The following PDLIM7 variants were observed in gnomAD, a reference collection of about 807,000 sequenced individuals.
PDLIM7 encodes PDZ and LIM domain 7.
PDLIM7 carries 37 observed loss-of-function variants against 53.9 expected under a neutral mutation model. The observed-to-expected ratio is 0.69, with a 90% confidence interval of 0.53 to 0.90. PDLIM7 has a LOEUF of 0.90. PDLIM7 is among the 40% of genes least tolerant of loss of function. PDLIM7 has a pLI of 0.00. For synonymous variants in PDLIM7, 300 were observed against 261.3 expected (o/e 1.15, Z -1.43); for missense variants, 617 against 638.5 (o/e 0.97, Z 0.36).
chr5:177,488,199 C>T lies in PDLIM7; in HGVS notation c.919G>A (p.Val307Met). The change falls in exon 10 of 13, where the codon GTG becomes ATG. Residue 307 changes from valine (V) to methionine (M), a missense_variant. Physicochemically the swap from Val to Met is conservative, Grantham distance 21. Coordinates refer to ENST00000355841, the MANE Select transcript of PDLIM7 (RefSeq NM_005451.5). ...LGHAYHPEEF[V>M]CSQCGKVLEE... is the part of the protein sequence containing the mutation. ...AGGACCTTCCCACACTGGCTACACA[C>T]AAACTCCTCCGGGTGGTACGCGTGG... 1 of 1,613,092 alleles carries T rather than the reference C, an allele frequency of 6.2e-7. No individual in the cohort carries two copies. Among genetic ancestry groups the T allele is most frequent in the Non-Finnish European group, 8.5e-7 (1 of 1,179,828 alleles).
Position 177,496,650 on chromosome 5 carries a change from A to G in PDLIM7, c.-11-127T>C, listed in dbSNP as rs562579343. 2.3e-5 allele frequency: 12 copies of G among 523,614 alleles called. No individual in the cohort carries two copies. In the South Asian group the frequency reaches 3.5e-4, roughly 15 times the overall value. The allele number at this position is 523,614 out of a possible 1,614,324, so 32.4% of individuals were successfully genotyped here. A position where few individuals can be genotyped will look rare whatever the true frequency, so the allele number is the denominator to read the frequency against. On this transcript the variant is annotated intron_variant, in intron 1 of 12. Transcript: ENST00000355841. ...CACGGGCAGCCCCTGAGCACGCCCA[A>G]GCCATAGGAGGCAGGTATTTTGTCA...
intron 10 of PDLIM7, among the ~76,000 whole-genome samples, chr5:177,487,301 A>G (rs756882009): frequency 6.6e-6 from 1 of 152,182 alleles, no homozygotes; most frequent in Non-Finnish European, 1.5e-5. Context: ...AATAAAGACT[A>G]TATTTCCCAG....
rs1758804373 is a variant in PDLIM7 at position 177,491,823 on chromosome 5, C to A, written c.382G>T (p.Ala128Ser). 3.1e-6 allele frequency: 4 copies of A among 1,279,678 alleles called. No homozygotes were observed. Among genetic ancestry groups the A allele is most frequent in the African/African-American group, 3.1e-5 (2 of 64,352 alleles). The allele number at this position is 1,279,678 out of a possible 1,614,324, so 79.3% of individuals were successfully genotyped here. Residue 128 changes from alanine (A) to serine (S), a missense_variant, in exon 5 of 13, where the codon GCC becomes TCC. Physicochemically the swap from Ala to Ser is moderately conservative, Grantham distance 99 (BLOSUM62 1). Coordinates refer to ENST00000355841, the MANE Select transcript of PDLIM7 (RefSeq NM_005451.5). ...PFGAPPPADS[A>S]PQQNGQPLRP... Reference sequence around the variant, plus strand: ...CCGACGTACCCATTCTGCTGCGGGGCGCTGTCAGCGGGCGGGGGCGCCCCA... The same window carrying A: ...CCGACGTACCCATTCTGCTGCGGGGAGCTGTCAGCGGGCGGGGGCGCCCCA...
At chr5:177,495,648 C>T (rs1016092448) in intron 2 of PDLIM7, among the ~76,000 whole-genome samples, 1 of 152,202 alleles carries the variant, frequency 6.6e-6, no homozygotes, top group African/African-American at 2.4e-5. Context: ...CTCTGCAGAC[C>T]GCAGCCACTG....
rs143356765 is a variant in PDLIM7 at position 177,488,120 on chromosome 5, T to C, written c.998A>G (p.Tyr333Cys). 259 of 1,612,926 alleles carry C rather than the reference T, an allele frequency of 1.6e-4. No homozygotes were observed. Among genetic ancestry groups the C allele is most frequent in the Non-Finnish European group, 2.1e-4 (246 of 1,179,860 alleles). Residue 333 changes from tyrosine to cysteine, a missense_variant, in exon 10 of 13, where the codon TAT becomes TGT. Coordinates refer to ENST00000355841, the MANE Select transcript of PDLIM7 (RefSeq NM_005451.5). Reference protein sequence around the residue: ...EKGAIFCPPCYDVRYAPSCAK... With the variant: ...EKGAIFCPPCCDVRYAPSCAK... ...ACAGCTGGGTGCATAGCGCACGTCA[T>C]AGCATGGTGGGCAGAAGATGGCGCC...
chr5:177,489,313 G>A, intron 9 of PDLIM7, 80 bp downstream of exon 9: 3 of 1,105,854 alleles, frequency 2.7e-6, no homozygotes, highest in East Asian at 2.6e-5. Flanking sequence ...AGTCGCAGCT[G>A]AGGCAAGACA....
At chr5:177,485,183 G>A (rs775820616) in intron 10 of PDLIM7, among the ~76,000 whole-genome samples, 1 of 152,220 alleles carries the variant, frequency 6.6e-6, no homozygotes, top group Non-Finnish European at 1.5e-5. Context: ...CAGCCAAAAT[G>A]TAAGGCCCAG....
In PDLIM7 at chr5:177,489,557, G is replaced by A. The variant is rs1176602536; in HGVS notation, c.705C>T (p.Ala235=). 1.2e-6 allele frequency: 2 copies of A among 1,610,976 alleles called. No individual in the cohort carries two copies. The highest frequency in any genetic ancestry group is 3.3e-5 in the Admixed American group (2 of 59,780). The part of the protein sequence containing the change: ...AVDPAFAERY[A]PDKTSTVLTR... ...TCAGCACTGTGCTCGTTTTGTCCGGGGCATAGCGCTCGGCAAACGCAGGGT... is the reference window on the plus strand; with the variant it reads ...TCAGCACTGTGCTCGTTTTGTCCGGAGCATAGCGCTCGGCAAACGCAGGGT... Residue 235 remains alanine, a synonymous_variant, in exon 9 of 13, where the codon GCC becomes GCT. Coordinates refer to ENST00000355841, the MANE Select transcript of PDLIM7 (RefSeq NM_005451.5).
Position 177,496,989 on chromosome 5 carries a change from A to T in PDLIM7, c.-11-466T>A, listed in dbSNP as rs866156477. On this transcript the variant is annotated intron_variant, in intron 1 of 12. Coordinates refer to ENST00000355841, the MANE Select transcript of PDLIM7 (RefSeq NM_005451.5). ...TGCGGAGAGCCAGCGGAGGGAGCAC[A>T]CGGGGGCTTGGGACGCGAGGGGGGG... 5 of 94,214 alleles carry T rather than the reference A, an allele frequency of 5.3e-5. No homozygotes were observed. The Admixed American group carries it at 5.4e-4, about 10-fold the overall frequency. The allele number at this position is 94,214 out of a possible 1,614,324, so 5.8% of individuals were successfully genotyped here. A position where few individuals can be genotyped will look rare whatever the true frequency, so the allele number is the denominator to read the frequency against.
intron 10 of PDLIM7, among the ~76,000 whole-genome samples, chr5:177,487,139 G>T (rs1385781692): frequency 6.6e-6 from 1 of 151,352 alleles, no homozygotes; most frequent in Non-Finnish European, 1.5e-5. Flanking sequence ...CACCATATTG[G>T]CCAGGCTGGT....
chr5:177,486,153 A>G (rs1315938499), intron 10 of PDLIM7, among the ~76,000 whole-genome samples: 1 of 151,916 alleles, frequency 6.6e-6, no homozygotes, highest in Non-Finnish European at 1.5e-5. Context: ...TCCTGGGCTC[A>G]AGCAATCCTC....
chr5:177,487,316 CGT>C (rs1758516204), intron 10 of PDLIM7, among the ~76,000 whole-genome samples: 1 of 152,234 alleles, frequency 6.6e-6, no homozygotes. Flanking sequence ...TCCCAGCCTC[CGT>C]TGCCACTGGG....
rs779639364 is a variant in PDLIM7 at position 177,483,511 on chromosome 5, G to T, written c.*133C>A. The T allele has an allele frequency of 2.2e-5, 14 of 638,896 alleles. 1 individual carries two copies. The highest frequency in any genetic ancestry group is 4.3e-4 in the Middle Eastern group (1 of 2,326). 39.6% of individuals were successfully genotyped at this position (638,896 alleles called of 1,614,324 possible). On this transcript the variant is annotated 3_prime_UTR_variant, in exon 13 of 13. Transcript: ENST00000355841. ...GGGAGGATAAGGTGGGTGGGGCAGG[G>T]CCCAGGGAGCCCCAGGCTCGGGCCA...
intron 2 of PDLIM7, chr5:177,493,079 C>T (rs980274542): frequency 4.7e-6 from 1 of 212,794 alleles, no homozygotes; most frequent in Non-Finnish European, 9.7e-6. Flanking sequence ...CTCCTGCTGG[C>T]CTCCTGCCCA....
intron 5 of PDLIM7, 73 bp downstream of exon 5, chr5:177,491,734 C>T: frequency 2.6e-6 from 2 of 765,012 alleles, no homozygotes; most frequent in South Asian, 3.4e-5. Flanking sequence ...ACAGACTGAG[C>T]AGCAGCGGGC....
At position 177,491,067 on chromosome 5, in the gene PDLIM7, C is replaced by G; in HGVS notation, c.478G>C (p.Gly160Arg). 1.9e-6 allele frequency: 3 copies of G among 1,610,466 alleles called. No homozygotes were observed. Among genetic ancestry groups the G allele is most frequent in the South Asian group, 1.1e-5 (1 of 90,706 alleles). The change falls in exon 6 of 13, where the codon GGG (glycine) becomes CGG (arginine). Residue 160 changes from glycine (G) to arginine (R), a missense_variant. By Grantham distance (125) the Gly-to-Arg change is moderately radical. Transcript: ENST00000355841. ...CGGAAGGAACGCGACTGGCCTGTCC[C>G]CGGCCGCGGCCGCCAGTCCTCTGTG... The part of the protein sequence containing the change: ...ENTEDWRPRP[G>R]TGQSRSFRIL...
At chr5:177,485,182 TGTAAGGCCC>T (rs1188603978) in intron 10 of PDLIM7, among the ~76,000 whole-genome samples, 1 of 152,228 alleles carries the variant, frequency 6.6e-6, no homozygotes, top group Non-Finnish European at 1.5e-5. Flanking sequence ...CCAGCCAAAA[TGTAAGGCCC>T]AGAAGGGCAG....
intron 2 of PDLIM7, among the ~76,000 whole-genome samples, chr5:177,493,194 C>T (rs548025299): frequency 4.6e-5 from 7 of 152,294 alleles, no homozygotes; most frequent in South Asian, 2.1e-4. Context: ...AGCACCCTGT[C>T]GGGGGCCATC....
intron 10 of PDLIM7, chr5:177,485,125 C>T (rs1017109700): frequency 6.6e-6 from 1 of 152,390 alleles, no homozygotes; most frequent in Non-Finnish European, 1.5e-5. Flanking sequence ...TTCCAGGCAA[C>T]CTACTTATTG....
Sources: gnomAD v4.1 joint callset for allele counts (sites outside exome capture counted in the v4.1 genomes callset) on GRCh38, gnomAD v4.1.1 for gene constraint, MANE v1.5 for transcripts, NCBI Gene and HGNC (gene_info 2026-07-23, HGNC 2026-07-21) for gene names.